The following NFIA variants were observed in gnomAD, a reference collection of about 807,000 sequenced individuals.
NFIA encodes the protein nuclear factor 1 A-type.
In NFIA, 8 loss-of-function variants were observed where a neutral mutation model predicts 62.8. The ratio of observed to expected loss-of-function variants is 0.13; its 90% CI spans 0.07 to 0.23. NFIA has a LOEUF of 0.23. NFIA is among the 10% of genes least tolerant of loss of function. The probability of loss-of-function intolerance (pLI) is 1.00; values close to 1 mark genes in which losing one functional copy is unlikely to be tolerated. For missense variants in NFIA, 410 were observed against 642.1 expected (o/e 0.64, Z 3.91); for synonymous variants, 235 against 238.1 (o/e 0.99, Z 0.12).
rs1569950470 is a variant in NFIA at position 61,462,712 on chromosome 1, TTACAA to T, written c.*7399_*7403del. On this transcript the variant is annotated 3_prime_UTR_variant, in exon 11 of 11. Coordinates refer to ENST00000403491, the MANE Select transcript of NFIA (RefSeq NM_001134673.4). ...CCATTAGTGCTACCACCTTCTCACA[TTACAA>T]TACAATTACTGGAAGCAAGTACTGC... The T allele has an allele frequency of 6.6e-6, 1 of 152,216 alleles. No individual in the cohort carries two copies. The highest frequency in any genetic ancestry group is 2.1e-4 in the South Asian group (1 of 4,832). The allele number at this position is 152,216 out of a possible 1,614,324, so 9.4% of individuals were successfully genotyped here. A position where few individuals can be genotyped will look rare whatever the true frequency, so the allele number is the denominator to read the frequency against.
intron 2 of NFIA, among the ~76,000 whole-genome samples, chr1:61,130,384 T>G (rs1647053011): frequency 6.6e-6 from 1 of 152,160 alleles, no homozygotes; most frequent in East Asian, 1.9e-4. Flanking sequence ...GCCCTGTAAC[T>G]TTCAGATCTT....
At chr1:61,136,951 T>C (rs998054152) in intron 2 of NFIA, among the ~76,000 whole-genome samples, 2 of 152,228 alleles carry the variant, frequency 1.3e-5, no homozygotes, top group African/African-American at 4.8e-5. Flanking sequence ...GTACAATGCC[T>C]GGCACATAAT....
chr1:61,078,718 T>C (rs1233273813), upstream of NFIA, among the ~76,000 whole-genome samples: 2 of 152,208 alleles, frequency 1.3e-5, no homozygotes, highest in Non-Finnish European at 2.9e-5. Flanking sequence ...ATTCTGCTTT[T>C]TAAGTATATG....
At chr1:61,189,280 T>C (rs972524210) in intron 2 of NFIA, among the ~76,000 whole-genome samples, 1 of 152,116 alleles carries the variant, frequency 6.6e-6, no homozygotes, top group Admixed American at 6.5e-5. Flanking sequence ...GGGCAGTGAC[T>C]CTTGCCCTTC....
In NFIA at chr1:61,271,885, T is replaced by G. The variant is rs770436576; in HGVS notation, c.560-5635T>G. Among the ~76,000 whole-genome samples, 5 of 152,242 alleles carry G rather than the reference T, an allele frequency of 3.3e-5. No homozygotes were observed. The East Asian group carries it at 9.6e-4, about 29-fold the overall frequency. On this transcript the variant is annotated intron_variant, in intron 2 of 10. Transcript: ENST00000403491. The stretch of plus-strand genomic sequence containing the variant: ...TCCAGTAATGATAAGATTTCCCATT[T>G]AAAGAACCACAGAGTGTTTCCATTT...
intron 2 of NFIA, among the ~76,000 whole-genome samples, chr1:61,264,756 T>C (rs1570476303): frequency 1.3e-5 from 2 of 152,022 alleles, no homozygotes; most frequent in East Asian, 3.9e-4. Context: ...CAATTTAATT[T>C]TGGGATTATT....
intron 2 of NFIA, among the ~76,000 whole-genome samples, chr1:61,264,629 C>T (rs1161205671): frequency 1.8e-5 from 2 of 109,550 alleles, no homozygotes; most frequent in African/African-American, 7.4e-5. Flanking sequence ...CCAGCCTGGG[C>T]GATAAGAGCA....
At chr1:61,335,507 CA>C (rs2100399228) in intron 4 of NFIA, among the ~76,000 whole-genome samples, 1 of 152,230 alleles carries the variant, frequency 6.6e-6, no homozygotes, top group Admixed American at 6.5e-5. Context: ...ATGCTTTTTG[CA>C]GATGAGTGGA....
At chr1:61,435,444 C>A (rs1296793689) in intron 10 of NFIA, among the ~76,000 whole-genome samples, 2 of 152,186 alleles carry the variant, frequency 1.3e-5, no homozygotes, top group African/African-American at 4.8e-5. Context: ...GAACCCATGC[C>A]GTTCCTAACA....
intron 2 of NFIA, among the ~76,000 whole-genome samples, chr1:61,096,215 G>A (rs78879812): frequency 6.6e-6 from 1 of 151,584 alleles, no homozygotes; most frequent in Non-Finnish European, 1.5e-5. Context: ...GCTTTTTTTT[G>A]TTGTTGTTGT....
At chr1:61,158,012 C>T (rs907480251) in intron 2 of NFIA, among the ~76,000 whole-genome samples, 1 of 152,158 alleles carries the variant, frequency 6.6e-6, no homozygotes, top group African/African-American at 2.4e-5. Flanking sequence ...GAGGGATAAA[C>T]CACTAACAGC....
intron 2 of NFIA, among the ~76,000 whole-genome samples, chr1:61,185,833 G>C (rs934569105): frequency 2.0e-5 from 3 of 151,806 alleles, no homozygotes; most frequent in African/African-American, 7.3e-5. Context: ...AGAGTGTTCT[G>C]TCTAAAATTG....
chr1:61,128,597 C>T (rs1428477735), intron 2 of NFIA, among the ~76,000 whole-genome samples: 13 of 151,682 alleles, frequency 8.6e-5, no homozygotes. Flanking sequence ...CATCTCAAAA[C>T]CAAAAAAGAT....
At chr1:61,344,558 G>C (rs1662112334) in intron 4 of NFIA, among the ~76,000 whole-genome samples, 1 of 152,184 alleles carries the variant, frequency 6.6e-6, no homozygotes, top group Non-Finnish European at 1.5e-5. Flanking sequence ...TTGAAGAAGG[G>C]ACAATAATGG....
intron 3 of NFIA, among the ~76,000 whole-genome samples, chr1:61,279,964 G>A (rs573133950): frequency 2.2e-4 from 33 of 152,294 alleles, no homozygotes; most frequent in African/African-American, 6.7e-4. Flanking sequence ...TGAGTTCAAA[G>A]AAAGAAAGTA....
chr1:61,180,539 A>C (rs1462160912), intron 2 of NFIA, among the ~76,000 whole-genome samples: 1 of 152,236 alleles, frequency 6.6e-6, no homozygotes, highest in Non-Finnish European at 1.5e-5. Flanking sequence ...CCAAGAGAGA[A>C]GAGTAGCTTT....
upstream of NFIA, among the ~76,000 whole-genome samples, chr1:61,079,803 G>GTAAA (rs2100397206): frequency 6.6e-6 from 1 of 152,168 alleles, no homozygotes; most frequent in East Asian, 1.9e-4. Context: ...TTGCAACTTG[G>GTAAA]GAAGAGGGGA....
At chr1:61,409,768 C>T (rs866822992) in intron 9 of NFIA, among the ~76,000 whole-genome samples, 5 of 152,098 alleles carry the variant, frequency 3.3e-5, no homozygotes, top group East Asian at 1.9e-4. Flanking sequence ...CATGAAGGTG[C>T]GGGTGGCAGT....
chr1:61,123,674 T>C (rs1646924207), intron 2 of NFIA, among the ~76,000 whole-genome samples: 1 of 139,270 alleles, frequency 7.2e-6, no homozygotes, highest in Admixed American at 7.6e-5. Context: ...AATCTTTATT[T>C]ATACAAATCC....
Sources: gnomAD v4.1 joint callset for allele counts (sites outside exome capture counted in the v4.1 genomes callset) on GRCh38, gnomAD v4.1.1 for gene constraint, MANE v1.5 for transcripts, NCBI Gene and HGNC (gene_info 2026-07-23, HGNC 2026-07-21) for gene names.